Variants in ARID4B observed in about 807,000 individuals in gnomAD.
ARID4B encodes the protein AT-rich interaction domain 4B.
A neutral mutation model predicts 147.5 loss-of-function variants in ARID4B; 26 were observed. The ratio of observed to expected loss-of-function variants is 0.18; its 90% CI spans 0.13 to 0.24. The LOEUF is 0.24. Among genes scored for constraint, ARID4B ranks in the 10% least tolerant of loss-of-function variants. ARID4B has a pLI of 1.00. For synonymous variants in ARID4B, 512 were observed against 507.9 expected (o/e 1.01, Z -0.11); for missense variants, 1,179 against 1,511.5 (o/e 0.78, Z 3.65).
At chr1:235,302,110 A>AAGCAT (rs1312957211) in intron 2 of ARID4B, among the ~76,000 whole-genome samples, 1 of 146,134 alleles carries the variant, frequency 6.8e-6, no homozygotes, top group Non-Finnish European at 1.5e-5. Context: ...CTGGTATTAC[A>AAGCAT]AGCATAAGCC....
chr1:235,167,140 T>C lies in ARID4B; in HGVS notation c.*1385A>G, dbSNP rs1663023831. 1 of 196,928 alleles carries C rather than the reference T, an allele frequency of 5.1e-6. No individual in the cohort carries two copies. The highest frequency in any genetic ancestry group is 2.3e-5 in the African/African-American group (1 of 43,292). The allele number at this position is 196,928 out of a possible 1,614,324, so 12.2% of individuals were successfully genotyped here. On this transcript the variant is annotated 3_prime_UTR_variant, in exon 24 of 24. Transcript: ENST00000264183. ...CACACTACAAGACTGAAAATGCTTT[T>C]CTTAGAAAAGTTGAATGTAAAGGAT... is the stretch of plus-strand genomic sequence containing the variant.
intron 5 of ARID4B, 150 bp downstream of exon 5, chr1:235,255,510 A>C (rs1481636479): frequency 1.9e-6 from 1 of 516,978 alleles, no homozygotes; most frequent in Non-Finnish European, 3.3e-6. Context: ...TTTGGAAATA[A>C]ATTTTTAAAA....
At chr1:235,269,490 G>T (rs1670829490) in intron 2 of ARID4B, among the ~76,000 whole-genome samples, 1 of 152,164 alleles carries the variant, frequency 6.6e-6, no homozygotes, top group Non-Finnish European at 1.5e-5. Context: ...GACCGAAGTT[G>T]AAGTTATTCT....
intron 2 of ARID4B, among the ~76,000 whole-genome samples, chr1:235,305,146 G>C (rs1673456984): frequency 6.6e-6 from 1 of 152,204 alleles, no homozygotes; most frequent in African/African-American, 2.4e-5. Context: ...AAGTGAAAGA[G>C]GGAGGCAGGA....
chr1:235,256,995 C>T (rs1670026635), intron 4 of ARID4B, among the ~76,000 whole-genome samples, 165 bp downstream of exon 4: 1 of 152,068 alleles, frequency 6.6e-6, no homozygotes, highest in African/African-American at 2.4e-5. Context: ...CCTGCCTCAG[C>T]CTCCTTAGTC....
intron 2 of ARID4B, among the ~76,000 whole-genome samples, chr1:235,276,560 G>A (rs917770677): frequency 6.6e-6 from 1 of 152,062 alleles, no homozygotes; most frequent in Non-Finnish European, 1.5e-5. Flanking sequence ...TACTTGTGAG[G>A]CTGAGGCAGT....
At position 235,252,711 on chromosome 1, in the gene ARID4B, T is replaced by C. The variant is rs375141186; in HGVS notation, c.354+19A>G. 10 of 1,603,504 alleles carry C rather than the reference T, an allele frequency of 6.2e-6. No individual in the cohort carries two copies. In the African/African-American group the frequency reaches 1.1e-4, roughly 17 times the overall value. ...ATAAAAAATATTAAGACATGTTCAT[T>C]TGTTAAATGATGACTTACTTCACTT... On this transcript the variant is annotated intron_variant, in intron 6 of 23. Transcript: ENST00000264183.
In ARID4B at chr1:235,241,980, T is replaced by C. The variant is rs1669012377; in HGVS notation, c.447-1529A>G. Among the ~76,000 whole-genome samples, 10 of 152,080 alleles carry C rather than the reference T, an allele frequency of 6.6e-5. No individual in the cohort carries two copies. The South Asian group carries it at 2.1e-3, about 32-fold the overall frequency. On this transcript the variant is annotated intron_variant, in intron 7 of 23. Transcript: ENST00000264183. ...TTGAATAGAAGTACTGTACTTTGGCTGGAAGTATTGTACTCCCAGCACTTT... is the reference window on the plus strand; with the variant it reads ...TTGAATAGAAGTACTGTACTTTGGCCGGAAGTATTGTACTCCCAGCACTTT...
intron 2 of ARID4B, 70 bp from the exon 3 acceptor site, chr1:235,260,822 G>A: frequency 9.4e-7 from 1 of 1,064,612 alleles, no homozygotes; most frequent in South Asian, 1.5e-5. Context: ...CCTCAGAATA[G>A]TGAGCCTAAT....
chr1:235,223,406 T>A (rs1667625741), intron 12 of ARID4B, 146 bp from the exon 13 acceptor site: 1 of 108,522 alleles, frequency 9.2e-6, no homozygotes, highest in African/African-American at 4.2e-5. Flanking sequence ...TGTGTGTGTA[T>A]ATATACATAT....
At chr1:235,174,749 T>C (rs1363197054) in intron 22 of ARID4B, among the ~76,000 whole-genome samples, 1 of 149,978 alleles carries the variant, frequency 6.7e-6, no homozygotes, top group South Asian at 2.1e-4. Context: ...GAGATGGAGG[T>C]TGCAGTGAGC....
chr1:235,215,553 G>C (rs1040121795), intron 16 of ARID4B, among the ~76,000 whole-genome samples: 1 of 145,252 alleles, frequency 6.9e-6, no homozygotes, highest in African/African-American at 2.6e-5. Flanking sequence ...ATATATGTGT[G>C]TGTGTGTGTG....
chr1:235,266,203 T>C (rs1670597755), intron 2 of ARID4B, among the ~76,000 whole-genome samples: 1 of 152,134 alleles, frequency 6.6e-6, no homozygotes, highest in South Asian at 2.1e-4. Context: ...CACCAGTATT[T>C]TGAGGTTAAT....
intron 7 of ARID4B, among the ~76,000 whole-genome samples, chr1:235,243,713 T>C (rs1252741116): frequency 1.3e-5 from 2 of 152,146 alleles, no homozygotes; most frequent in African/African-American, 4.8e-5. Flanking sequence ...GACATGCAAT[T>C]CTGATTATTT....
chr1:235,244,979 T>C (rs538483235), intron 7 of ARID4B, among the ~76,000 whole-genome samples: 1 of 152,216 alleles, frequency 6.6e-6, no homozygotes, highest in South Asian at 2.1e-4. Flanking sequence ...CAAGCAAGAG[T>C]AACATTGTCA....
At chr1:235,284,910 AT>A (rs1243615836) in intron 2 of ARID4B, among the ~76,000 whole-genome samples, 2 of 120,292 alleles carry the variant, frequency 1.7e-5, no homozygotes, top group African/African-American at 2.7e-5. Flanking sequence ...ATATATATAT[AT>A]TTTTTTTTTG....
chr1:235,321,722 A>C (rs1674852282), intron 2 of ARID4B, among the ~76,000 whole-genome samples: 1 of 151,942 alleles, frequency 6.6e-6, no homozygotes, highest in Admixed American at 6.6e-5. Flanking sequence ...GATGGTCTCA[A>C]TCTCCTGACC....
intron 10 of ARID4B, among the ~76,000 whole-genome samples, chr1:235,230,608 A>AG (rs1553298129): frequency 1.5e-5 from 2 of 131,884 alleles, no homozygotes; most frequent in Non-Finnish European, 3.3e-5. Flanking sequence ...AAAAAAAAAA[A>AG]AAAAAAAACC....
intron 17 of ARID4B, among the ~76,000 whole-genome samples, chr1:235,207,257 T>G (rs1388027934): frequency 1.3e-5 from 2 of 152,188 alleles, no homozygotes; most frequent in Admixed American, 6.5e-5. Flanking sequence ...TGAAATAGTC[T>G]TCTAAGAAAG....
Sources: gnomAD v4.1 joint callset for allele counts (sites outside exome capture counted in the v4.1 genomes callset) on GRCh38, gnomAD v4.1.1 for gene constraint, MANE v1.5 for transcripts, NCBI Gene and HGNC (gene_info 2026-07-23, HGNC 2026-07-21) for gene names.